The following LEMD3 variants were observed in gnomAD, a reference collection of about 807,000 sequenced individuals.
LEMD3 encodes LEM domain containing 3.
A neutral mutation model predicts 95.2 loss-of-function variants in LEMD3; 33 were observed. The observed-to-expected ratio is 0.35, with a 90% CI of 0.26 to 0.46. The LOEUF is 0.46. LEMD3 is among the 20% of genes least tolerant of loss of function. The pLI, the probability that LEMD3 is intolerant of heterozygous loss-of-function variation, is 1.00. For missense variants in LEMD3, 1,210 were observed against 1,192.8 expected (o/e 1.01, Z -0.21); for synonymous variants, 525 against 474.6 (o/e 1.11, Z -1.38).
chr12:65,221,730 A>ATC (rs1279823061), intron 4 of LEMD3, among the ~76,000 whole-genome samples: 7 of 140,854 alleles, frequency 5.0e-5, no homozygotes, highest in South Asian at 4.5e-4. Flanking sequence ...TTAGAGGAAA[A>ATC]TCTCTCTTTT....
At chr12:65,182,026 A>G (rs1592431671) in intron 1 of LEMD3, among the ~76,000 whole-genome samples, 1 of 152,108 alleles carries the variant, frequency 6.6e-6, no homozygotes, top group Non-Finnish European at 1.5e-5. Context: ...TCATGAGGGT[A>G]ACTACTCATA....
chr12:65,210,789 C>A, intron 1 of LEMD3, 137 bp from the exon 2 acceptor site: 1 of 766,386 alleles, frequency 1.3e-6, no homozygotes, highest in Non-Finnish European at 2.4e-6. Flanking sequence ...CCTTTATTAT[C>A]ACCAGTTTGT....
intron 4 of LEMD3, among the ~76,000 whole-genome samples, chr12:65,228,092 G>A (rs1466065310): frequency 1.3e-5 from 2 of 152,148 alleles, no homozygotes; most frequent in Non-Finnish European, 2.9e-5. Flanking sequence ...TGAGGAAGAG[G>A]CAGGGGTTGG....
rs1592466761 is a variant in LEMD3 at position 65,246,310 on chromosome 12, T to C, written c.2721T>C (p.Ser907=). Residue 907 remains serine, a synonymous_variant, in exon 13 of 13, where the codon TCT becomes TCC. Transcript: ENST00000308330. The part of the protein sequence containing the change: ...HLRLRTGLTN[S]QGSS ...GTCTTCGGACTGGCCTAACCAATTCTCAAGGAAGTTCCTGAAAAGATTTTC... is the reference window on the plus strand; with the variant it reads ...GTCTTCGGACTGGCCTAACCAATTCCCAAGGAAGTTCCTGAAAAGATTTTC... 1.9e-6 allele frequency: 3 copies of C among 1,612,866 alleles called. No homozygotes were observed. The highest frequency in any genetic ancestry group is 2.5e-6 in the Non-Finnish European group (3 of 1,179,126).
chr12:65,227,619 A>T (rs1870490726), intron 4 of LEMD3, among the ~76,000 whole-genome samples: 1 of 152,146 alleles, frequency 6.6e-6, no homozygotes, highest in Non-Finnish European at 1.5e-5. Flanking sequence ...GTATGTAAAT[A>T]GTTATTATTA....
intron 1 of LEMD3, among the ~76,000 whole-genome samples, chr12:65,192,131 C>A: frequency 6.7e-6 from 1 of 148,938 alleles, no homozygotes; most frequent in African/African-American, 2.5e-5. Flanking sequence ...CACCTTAGCT[C>A]TTTTAATATG....
rs118151470 is a variant in LEMD3 at position 65,234,642 on chromosome 12, G to A, written c.1696-3860G>A. On this transcript the variant is annotated intron_variant, in intron 4 of 12. Coordinates refer to ENST00000308330, the MANE Select transcript of LEMD3 (RefSeq NM_014319.5). The stretch of plus-strand genomic sequence containing the variant: ...GGTTTTCTTGTATTCCAGATAATGA[G>A]TGGATGTCAAGTGATATTAATAAAG... 9.0e-4 allele frequency among the ~76,000 whole-genome samples: 137 copies of A among 152,234 alleles called. 1 individual carries two copies. The East Asian group carries it at 0.022, about 24-fold the overall frequency.
chr12:65,235,682 C>A (rs189587352), intron 4 of LEMD3, among the ~76,000 whole-genome samples: 3 of 152,192 alleles, frequency 2.0e-5, no homozygotes, highest in Non-Finnish European at 2.9e-5. Context: ...ATATCAGGGA[C>A]TTGAACATCT....
chr12:65,241,347 T>A (rs1290993543), intron 9 of LEMD3, among the ~76,000 whole-genome samples: 2 of 151,912 alleles, frequency 1.3e-5, no homozygotes, highest in Non-Finnish European at 2.9e-5. Flanking sequence ...CAACTTAGTA[T>A]TATATATATT....
intron 4 of LEMD3, among the ~76,000 whole-genome samples, chr12:65,223,212 A>G (rs1870344960): frequency 1.3e-5 from 2 of 151,904 alleles, no homozygotes; most frequent in Admixed American, 1.3e-4. Context: ...TGTGGGATAC[A>G]TACATATTTA....
intron 4 of LEMD3, among the ~76,000 whole-genome samples, chr12:65,228,403 T>A (rs969998229): frequency 3.0e-5 from 3 of 99,638 alleles, no homozygotes; most frequent in Non-Finnish European, 7.9e-5. Context: ...TATTTATTTA[T>A]TTTTTTTTTT....
At chr12:65,219,687 T>C (rs1870223309) in intron 4 of LEMD3, among the ~76,000 whole-genome samples, 1 of 152,236 alleles carries the variant, frequency 6.6e-6, no homozygotes, top group African/African-American at 2.4e-5. Context: ...TGAAACTCTA[T>C]AGCCATTGCA....
At chr12:65,178,116 G>T (rs1442452546) in intron 1 of LEMD3, among the ~76,000 whole-genome samples, 6 of 151,824 alleles carry the variant, frequency 4.0e-5, no homozygotes, top group Non-Finnish European at 5.9e-5. Flanking sequence ...AAAGTGCTGA[G>T]ATTACAGGTG....
chr12:65,238,367 TAAAA>T, intron 4 of LEMD3, 131 bp from the exon 5 acceptor site: 1 of 641,124 alleles, frequency 1.6e-6, no homozygotes, highest in Non-Finnish European at 2.7e-6. Flanking sequence ...TCATTCTTTT[TAAAA>T]TTTTCTGTAA....
At chr12:65,203,317 C>G (rs1453191305) in intron 1 of LEMD3, among the ~76,000 whole-genome samples, 2 of 152,158 alleles carry the variant, frequency 1.3e-5, no homozygotes, top group Non-Finnish European at 1.5e-5. Context: ...CTCAAAAGCA[C>G]TGCTTTTGCC....
chr12:65,245,886 C>T lies in LEMD3; in HGVS notation c.2519C>T (p.Ser840Phe). The T allele has an allele frequency of 6.2e-7, 1 of 1,612,920 alleles. No homozygotes were observed. Among genetic ancestry groups the T allele is most frequent in the South Asian group, 1.1e-5 (1 of 91,044 alleles). Residue 840 changes from serine (S) to phenylalanine (F), a missense_variant, in exon 12 of 13, where the codon TCT becomes TTT. Coordinates refer to ENST00000308330, the MANE Select transcript of LEMD3 (RefSeq NM_014319.5). ...REGCVYVKCL[S>F]PEYAGKAFKA... ...GGTTGTGTATATGTTAAATGTCTGTCTCCAGAATATGCTGGAAAGGCTTTT... is the reference window on the plus strand; with the variant it reads ...GGTTGTGTATATGTTAAATGTCTGTTTCCAGAATATGCTGGAAAGGCTTTT...
At position 65,210,834 on chromosome 12, in the gene LEMD3, G is replaced by A. The variant is rs573070397; in HGVS notation, c.1523-92G>A. 1.4e-5 allele frequency: 14 copies of A among 968,192 alleles called. 1 individual carries two copies. In the South Asian group the frequency reaches 1.7e-4, roughly 12 times the overall value. The allele number at this position is 968,192 out of a possible 1,614,324, so 60.0% of individuals were successfully genotyped here. ...GTTCACATATTTATATCCAGTTTTA[G>A]CAAAGTACATGCTGGCATTTCAGAG... On this transcript the variant is annotated intron_variant, in intron 1 of 12. Transcript: ENST00000308330.
chr12:65,191,527 C>G (rs1286863574), intron 1 of LEMD3, among the ~76,000 whole-genome samples: 3 of 152,052 alleles, frequency 2.0e-5, no homozygotes, highest in Non-Finnish European at 4.4e-5. Context: ...GTAAATTTAA[C>G]ATACTGAATA....
chr12:65,196,558 A>C (rs184772719), intron 1 of LEMD3, among the ~76,000 whole-genome samples: 86 of 152,206 alleles, frequency 5.7e-4, no homozygotes, highest in African/African-American at 2.0e-3. Context: ...TTGTCTGCAG[A>C]TGAACCCATG....
Sources: gnomAD v4.1 joint callset for allele counts (sites outside exome capture counted in the v4.1 genomes callset) on GRCh38, gnomAD v4.1.1 for gene constraint, MANE v1.5 for transcripts, NCBI Gene and HGNC (gene_info 2026-07-23, HGNC 2026-07-21) for gene names.